The following ADAP1 variants were observed in gnomAD, a reference collection of about 807,000 sequenced individuals.
ADAP1 encodes the protein ArfGAP with dual PH domains 1.
Under a neutral mutation model 54.9 loss-of-function variants are expected in ADAP1, and 31 were observed. The observed-to-expected ratio is 0.56, with a 90% confidence interval of 0.42 to 0.76. The LOEUF (loss-of-function observed/expected upper bound fraction) is 0.76. Ranked by LOEUF, ADAP1 falls within the 30% of genes least tolerant of loss-of-function variation. ADAP1 has a pLI of 0.00. For missense variants in ADAP1, 535 were observed against 512.4 expected (o/e 1.04, Z -0.42); for synonymous variants, 313 against 202.6 (o/e 1.55, Z -4.63).
At position 904,026 on chromosome 7, in the gene ADAP1, T is replaced by C. The variant is rs190664562; in HGVS notation, c.648+100A>G. ...TCTCATGCCGCCTAGCTCAAGTGCC[T>C]ACCCTCCCGTACCGTCCAAGCACCC... On this transcript the variant is annotated intron_variant, in intron 6 of 10. Transcript: ENST00000265846. 4.5e-5 allele frequency: 67 copies of C among 1,481,660 alleles called. No individual in the cohort carries two copies. In the African/African-American group the frequency reaches 9.0e-4, roughly 20 times the overall value. 91.8% of individuals were successfully genotyped at this position (1,481,660 alleles called of 1,614,324 possible).
At position 904,194 on chromosome 7, in the gene ADAP1, C is replaced by A. The variant is rs767970805; in HGVS notation, c.580G>T (p.Gly194Cys). ...FQPAKIGHPH[G>C]LQVTYLKDNS... ...TCCTTCAGGTAGGTGACCTGCAGGC[C>A]GTGGGGGTGGCCGATCTTGGCCGGC... is the stretch of plus-strand genomic sequence containing the variant. Residue 194 changes from glycine to cysteine, a missense_variant, in exon 6 of 11, where the codon GGC (glycine) becomes TGC (cysteine). Physicochemically the swap from Gly to Cys is radical, Grantham distance 159. Coordinates refer to ENST00000265846, the MANE Select transcript of ADAP1 (RefSeq NM_006869.4). The A allele has an allele frequency of 1.9e-6, 3 of 1,611,778 alleles. No homozygotes were observed.
At chr7:919,389 A>G (rs1284441231) in intron 4 of ADAP1, among the ~76,000 whole-genome samples, 1 of 152,080 alleles carries the variant, frequency 6.6e-6, no homozygotes, top group Non-Finnish European at 1.5e-5. Flanking sequence ...CCACTCCTTC[A>G]GGGCTGGACT....
intron 1 of ADAP1, among the ~76,000 whole-genome samples, chr7:950,797 C>T (rs1318575805): frequency 1.5e-5 from 2 of 137,052 alleles, no homozygotes; most frequent in African/African-American, 5.5e-5. Context: ...GCAGAGGTTG[C>T]AGTGAGCTGA....
rs976019335 is a variant in ADAP1, at chr7:927,223, C to T, written c.214-579G>A. On this transcript the variant is annotated intron_variant, in intron 2 of 10. Transcript: ENST00000265846. ...AGGCTGAGGGAGAAGGAAACGGCGC[C>T]GTGAAGGAGGGGAGGTGCTGCAGGA... The T allele has an allele frequency of 2.4e-5, 30 of 1,271,350 alleles. 1 individual carries two copies. Among genetic ancestry groups the T allele is most frequent in the African/African-American group, 1.9e-4 (12 of 64,574 alleles). The allele number at this position is 1,271,350 out of a possible 1,614,324, so 78.8% of individuals were successfully genotyped here.
At chr7:910,094 C>T (rs1845660767) in intron 4 of ADAP1, among the ~76,000 whole-genome samples, 2 of 152,168 alleles carry the variant, frequency 1.3e-5, no homozygotes, top group Admixed American at 1.3e-4. Flanking sequence ...CGACTGTGGG[C>T]GGGGACGCCG....
At chr7:901,743 A>G (rs1423703177) in intron 6 of ADAP1, among the ~76,000 whole-genome samples, 1 of 146,854 alleles carries the variant, frequency 6.8e-6, no homozygotes, top group Non-Finnish European at 1.5e-5. Flanking sequence ...AACCAGCCCG[A>G]GGCCCCGCCT....
At chr7:900,659 A>AGCGCTGGGGTCCCCACAGAG (rs537905515) in intron 6 of ADAP1, 43 bp from the exon 7 acceptor site, 8 of 1,480,618 alleles carry the variant, frequency 5.4e-6, no homozygotes, top group East Asian at 2.5e-5. Context: ...AGGAGGCTGC[A>AGCGCTGGGGTCCCCACAGAG]GCGCTGGGGT....
At position 899,103 on chromosome 7, in the gene ADAP1, G is replaced by A. The variant is rs540243434; in HGVS notation, c.1026C>T (p.Ser342=). Residue 342 remains serine (S), a synonymous_variant, in exon 10 of 11, where the codon TCC becomes TCT. Coordinates refer to ENST00000265846, the MANE Select transcript of ADAP1 (RefSeq NM_006869.4). ...AGGCCGCCACCCACTCCCTCTGGTC[G>A]GACTCCGTCTCGCAGGCAAACAGAA... The part of the protein sequence containing the change: ...RKFLFACETE[S]DQREWVAAFQ... 77 of 1,608,526 alleles carry A rather than the reference G, an allele frequency of 4.8e-5. No homozygotes were observed. The highest frequency in any genetic ancestry group is 8.0e-5 in the African/African-American group (6 of 75,056).
chr7:931,381 G>C (rs372673535), intron 2 of ADAP1, among the ~76,000 whole-genome samples: 3 of 152,222 alleles, frequency 2.0e-5, no homozygotes, highest in Admixed American at 6.5e-5. Flanking sequence ...TCCACACAAG[G>C]CATGTTCTCC....
intron 1 of ADAP1, among the ~76,000 whole-genome samples, chr7:949,901 G>A (rs73254076): frequency 0.019 from 2,875 of 152,344 alleles, 96 homozygotes; most frequent in African/African-American, 0.065. Flanking sequence ...CTTCAACCAG[G>A]TAAGCACAGA....
intron 4 of ADAP1, among the ~76,000 whole-genome samples, chr7:915,639 G>A (rs1316686591): frequency 1.3e-5 from 2 of 152,180 alleles, no homozygotes; most frequent in African/African-American, 4.8e-5. Context: ...ATGCTCTCAA[G>A]GGAATATCTC....
chr7:899,038 T>TA lies in ADAP1; in HGVS notation c.1090dup (p.Tyr364LeufsTer10). Reference sequence around the variant, plus strand: ...CGGCCGCCCGCCCCCCTCACCTGCGTACTCCTGGGGCAGCATGGGCCTGTC... The same window carrying TA: ...CGGCCGCCCGCCCCCCTCACCTGCGTAACTCCTGGGGCAGCATGGGCCTGTC... On this transcript the variant is annotated frameshift_variant, in exon 10 of 11. Coordinates refer to ENST00000265846, the MANE Select transcript of ADAP1 (RefSeq NM_006869.4). LOFTEE classifies it high-confidence loss of function. The TA allele has an allele frequency of 6.2e-7, 1 of 1,609,394 alleles. No individual in the cohort carries two copies. Among genetic ancestry groups the TA allele is most frequent in the East Asian group, 2.2e-5 (1 of 44,860 alleles).
chr7:900,211 G>A (rs1453661294), intron 7 of ADAP1, 47 bp from the exon 8 acceptor site: 2 of 1,607,968 alleles, frequency 1.2e-6, no homozygotes, highest in East Asian at 2.2e-5. Flanking sequence ...TGCAGCTCAG[G>A]CCGAGCCCCT....
At chr7:954,705 GC>G, upstream of ADAP1, 2 of 981,504 alleles carry the variant, frequency 2.0e-6, no homozygotes, top group Non-Finnish European at 2.4e-6. Flanking sequence ...CGGGGCGCAC[GC>G]TGCGCTCTGG....
chr7:898,574 A>G lies in ADAP1; in HGVS notation c.*347T>C, dbSNP rs979289645. 5.0e-6 allele frequency: 2 copies of G among 397,076 alleles called. No homozygotes were observed. The highest frequency in any genetic ancestry group is 2.3e-5 in the South Asian group (1 of 43,290). 24.6% of individuals were successfully genotyped at this position (397,076 alleles called of 1,614,324 possible). A position where few individuals can be genotyped will look rare whatever the true frequency, so the allele number is the denominator to read the frequency against. On this transcript the variant is annotated 3_prime_UTR_variant, in exon 11 of 11. Transcript: ENST00000265846. ...GCAGGGCTCTGCGCTGAGGCCTGGAAGTTCCCACAGCCGTGGTGGGCGGCT... is the reference window on the plus strand; with the variant it reads ...GCAGGGCTCTGCGCTGAGGCCTGGAGGTTCCCACAGCCGTGGTGGGCGGCT...
chr7:912,834 G>A (rs1158217776), intron 4 of ADAP1, among the ~76,000 whole-genome samples: 1 of 152,066 alleles, frequency 6.6e-6, no homozygotes, highest in Non-Finnish European at 1.5e-5. Context: ...CTGAGTAGCT[G>A]GAGCTATCAC....
At chr7:953,483 C>A (rs1336645882) in intron 1 of ADAP1, among the ~76,000 whole-genome samples, 1 of 152,210 alleles carries the variant, frequency 6.6e-6, no homozygotes, top group African/African-American at 2.4e-5. Flanking sequence ...TCTTCCCCCG[C>A]TCCCTCCCTG....
At chr7:914,236 C>T (rs1232647649) in intron 4 of ADAP1, among the ~76,000 whole-genome samples, 1 of 152,244 alleles carries the variant, frequency 6.6e-6, no homozygotes, top group African/African-American at 2.4e-5. Flanking sequence ...CAGGCCTCAC[C>T]TGGCCAACGT....
intron 4 of ADAP1, among the ~76,000 whole-genome samples, chr7:915,486 A>AG: frequency 6.6e-6 from 1 of 152,326 alleles, no homozygotes; most frequent in East Asian, 1.9e-4. Flanking sequence ...AGAGGCCGGC[A>AG]GGCAAGGCCA....
Sources: gnomAD v4.1 joint callset for allele counts (sites outside exome capture counted in the v4.1 genomes callset) on GRCh38, gnomAD v4.1.1 for gene constraint, MANE v1.5 for transcripts, NCBI Gene and HGNC (gene_info 2026-07-23, HGNC 2026-07-21) for gene names.